PSME4: variants seen among roughly 807,000 people sequenced by gnomAD.
PSME4 encodes proteasome activator complex subunit 4.
A neutral mutation model predicts 253.9 loss-of-function variants in PSME4; 89 were observed. That is an observed-to-expected ratio of 0.35 (90% CI 0.30 to 0.42). The LOEUF (loss-of-function observed/expected upper bound fraction) is 0.42, where lower values mean the gene tolerates loss of function less well. Ranked by LOEUF, PSME4 falls within the 10% of genes least tolerant of loss-of-function variation. PSME4 has a pLI of 1.00. For missense variants in PSME4, 2,014 were observed against 2,195.2 expected (o/e 0.92, Z 1.65); for synonymous variants, 851 against 759.2 (o/e 1.12, Z -1.99).
rs1026631602 is a variant in PSME4, at chr2:53,970,668, G to A, written c.117C>T (p.Pro39=). The A allele has an allele frequency of 2.3e-5, 35 of 1,550,166 alleles. No homozygotes were observed. Among genetic ancestry groups the A allele is most frequent in the Admixed American group, 1.6e-4 (8 of 50,992 alleles). ...ACTCGGCGTCTAGCCGCTCCGCGTA[G>A]GGCAGCAGCTTGTTGTAGACGATCT... The part of the protein sequence containing the change: ...QKEIVYNKLL[P]YAERLDAESD... The change falls in exon 1 of 47, where the codon CCC becomes CCT. Residue 39 remains proline, a synonymous_variant. Transcript: ENST00000404125.
chr2:53,883,324 C>T (rs2104420199), intron 41 of PSME4, among the ~76,000 whole-genome samples: 1 of 152,264 alleles, frequency 6.6e-6, no homozygotes, highest in South Asian at 2.1e-4. Context: ...ACATGAGACC[C>T]CATCTCTACA....
At chr2:53,872,199 C>T (rs1313939787) in intron 43 of PSME4, among the ~76,000 whole-genome samples, 2 of 152,128 alleles carry the variant, frequency 1.3e-5, no homozygotes, top group African/African-American at 4.8e-5. Context: ...GGGTACATGT[C>T]TATAATTAAC....
intron 14 of PSME4, among the ~76,000 whole-genome samples, chr2:53,924,923 AC>A: frequency 6.6e-6 from 1 of 152,352 alleles, no homozygotes; most frequent in East Asian, 1.9e-4. Flanking sequence ...ACTGATCAAT[AC>A]ATAATCCTAA....
At position 53,949,129 on chromosome 2, in the gene PSME4, G is replaced by A. The variant is rs778301027; in HGVS notation, c.383+14C>T. On this transcript the variant is annotated intron_variant, in intron 2 of 46. Coordinates refer to ENST00000404125, the MANE Select transcript of PSME4 (RefSeq NM_014614.3). ...CAAACAAACCTTAACAGAAACCTCTGGAAAAAGACTTACTTTAACAAGTTG... is the reference window on the plus strand; with the variant it reads ...CAAACAAACCTTAACAGAAACCTCTAGAAAAAGACTTACTTTAACAAGTTG... 4.4e-6 allele frequency: 7 copies of A among 1,575,706 alleles called. No individual in the cohort carries two copies. Among genetic ancestry groups the A allele is most frequent in the African/African-American group, 2.7e-5 (2 of 73,358 alleles).
intron 29 of PSME4, among the ~76,000 whole-genome samples, chr2:53,898,580 T>G (rs568018401): frequency 2.6e-5 from 4 of 151,498 alleles, no homozygotes; most frequent in Non-Finnish European, 5.9e-5. Flanking sequence ...CAACTTTTCC[T>G]GAATGGACAT....
chr2:53,867,679 A>AG (rs1201785973), intron 44 of PSME4, among the ~76,000 whole-genome samples: 2 of 150,076 alleles, frequency 1.3e-5, no homozygotes, highest in African/African-American at 5.0e-5. Flanking sequence ...CAAAAAAAAA[A>AG]AAAAAAAAAA....
At chr2:53,914,770 A>G (rs1667983617) in intron 20 of PSME4, among the ~76,000 whole-genome samples, 1 of 152,098 alleles carries the variant, frequency 6.6e-6, no homozygotes, top group African/African-American at 2.4e-5. Flanking sequence ...AATCCCAGCT[A>G]CTCGGGAGGC....
chr2:53,898,399 G>A (rs753039758), intron 29 of PSME4, 45 bp from the exon 30 acceptor site: 1 of 1,361,782 alleles, frequency 7.3e-7, no homozygotes. Flanking sequence ...ATACTAAAAT[G>A]AACATCAAAA....
chr2:53,963,193 GTA>G (rs1670565883), intron 1 of PSME4, among the ~76,000 whole-genome samples: 1 of 151,978 alleles, frequency 6.6e-6, no homozygotes, highest in African/African-American at 2.4e-5. Context: ...TGGCGTGGTG[GTA>G]TATGTCTGTA....
intron 1 of PSME4, among the ~76,000 whole-genome samples, chr2:53,952,825 A>T (rs895926010): frequency 6.6e-6 from 1 of 152,022 alleles, no homozygotes; most frequent in African/African-American, 2.4e-5. Context: ...TCCACTGCTC[A>T]CCTCCTGCTG....
chr2:53,926,923 A>C (rs879851816), intron 12 of PSME4, among the ~76,000 whole-genome samples: 11 of 151,870 alleles, frequency 7.2e-5, no homozygotes, highest in African/African-American at 2.7e-4. Flanking sequence ...CAGTGAGCCG[A>C]TATCACATCA....
At chr2:53,914,615 G>A (rs568709235) in intron 20 of PSME4, among the ~76,000 whole-genome samples, 1 of 152,302 alleles carries the variant, frequency 6.6e-6, no homozygotes, top group Admixed American at 6.5e-5. Context: ...AGGCGCAGTG[G>A]CTCACGCCTG....
Position 53,898,633 on chromosome 2 carries a change from G to GTACACA in PSME4, c.3423-280_3423-279insTGTGTA, listed in dbSNP as rs202043988. Among the ~76,000 whole-genome samples the GTACACA allele has an allele frequency of 2.1e-3, 306 of 142,500 alleles. 1 individual carries two copies. The highest frequency in any genetic ancestry group is 5.6e-3 in the East Asian group (28 of 4,998). The allele number at this position is 142,500 out of a possible 152,430, so 93.5% of individuals were successfully genotyped here. ...AGTAGTAATCAATTAATTGGGAGTG[G>GTACACA]CACACACACACACACACACACACAC... On this transcript the variant is annotated intron_variant, in intron 29 of 46. Transcript: ENST00000404125.
At chr2:53,897,728 CT>C in intron 31 of PSME4, 141 bp downstream of exon 31, 1 of 954,272 alleles carries the variant, frequency 1.0e-6, no homozygotes, top group Non-Finnish European at 1.6e-6. Context: ...ATTATCATCT[CT>C]GAATCAACAG....
intron 26 of PSME4, among the ~76,000 whole-genome samples, chr2:53,905,420 GC>G (rs1379259021): frequency 6.6e-6 from 1 of 152,118 alleles, no homozygotes; most frequent in Non-Finnish European, 1.5e-5. Flanking sequence ...TGTTCAGGTA[GC>G]CGGGCATGGT....
At chr2:53,913,681 A>C in intron 20 of PSME4, among the ~76,000 whole-genome samples, 1 of 152,234 alleles carries the variant, frequency 6.6e-6, no homozygotes, top group East Asian at 1.9e-4. Context: ...AATAACTATA[A>C]ACACAAATGA....
chr2:53,933,963 A>C (rs1255636500), intron 8 of PSME4, among the ~76,000 whole-genome samples: 1 of 152,188 alleles, frequency 6.6e-6, no homozygotes, highest in Non-Finnish European at 1.5e-5. Flanking sequence ...GTAAACTTTT[A>C]AACAAAAAAA....
intron 43 of PSME4, among the ~76,000 whole-genome samples, chr2:53,873,855 A>C (rs1679004857): frequency 6.6e-6 from 1 of 152,244 alleles, no homozygotes. Flanking sequence ...GCCCAACTGC[A>C]AAGAAGACAG....
chr2:53,965,269 A>T (rs528885263), intron 1 of PSME4, among the ~76,000 whole-genome samples: 2 of 149,572 alleles, frequency 1.3e-5, no homozygotes, highest in African/African-American at 4.9e-5. Flanking sequence ...TTTTTGTAAG[A>T]CAAGAGTCTC....
Sources: allele counts gnomAD v4.1 joint callset (sites outside exome capture counted in the v4.1 genomes callset), GRCh38; gene constraint gnomAD v4.1.1; transcripts MANE v1.5; gene names NCBI Gene and HGNC (gene_info 2026-07-23, HGNC 2026-07-21).